Variants in KCND2 observed in about 807,000 individuals in gnomAD.
KCND2 encodes the protein potassium voltage-gated channel subfamily D member 2, also known as A-type voltage-gated potassium channel KCND2.
A neutral mutation model predicts 54.4 loss-of-function variants in KCND2; 16 were observed. The ratio of observed to expected loss-of-function variants is 0.29; its 90% CI spans 0.20 to 0.45. The LOEUF is 0.45. KCND2 is among the 20% of genes least tolerant of loss of function. The pLI is 1.00. For missense variants in KCND2, 486 were observed against 824.2 expected, an observed-to-expected ratio of 0.59 and a Z score of 5.02; for synonymous variants, 317 against 310.7, an observed-to-expected ratio of 1.02 and a Z score of -0.21.
chr7:120,463,433 A>G (rs188432278), intron 1 of KCND2, among the ~76,000 whole-genome samples: 6 of 150,748 alleles, frequency 4.0e-5, no homozygotes. Context: ...ACTAATTGGT[A>G]TTGAAAAGTA....
At chr7:120,462,068 G>A (rs1214573314) in intron 1 of KCND2, among the ~76,000 whole-genome samples, 5 of 151,912 alleles carry the variant, frequency 3.3e-5, no homozygotes, top group African/African-American at 9.7e-5. Context: ...GTGCTAACAG[G>A]TTTTTAGTAT....
At chr7:120,493,637 T>G (rs755716320) in intron 1 of KCND2, among the ~76,000 whole-genome samples, 9 of 152,044 alleles carry the variant, frequency 5.9e-5, no homozygotes, top group Non-Finnish European at 1.0e-4. Context: ...TTATCAGTAA[T>G]AAAAGAATAC....
chr7:120,629,850 A>G (rs984006361), intron 1 of KCND2, among the ~76,000 whole-genome samples: 3 of 152,138 alleles, frequency 2.0e-5, no homozygotes, highest in Non-Finnish European at 4.4e-5. Context: ...GAAAAATGGA[A>G]CTATATTGGA....
intron 1 of KCND2, among the ~76,000 whole-genome samples, chr7:120,425,030 G>A (rs922699445): frequency 6.6e-6 from 1 of 152,204 alleles, no homozygotes; most frequent in African/African-American, 2.4e-5. Context: ...ATTTTATAGT[G>A]AAACTTCAGA....
rs1232590637 is a variant in KCND2, at chr7:120,607,478, C to CATAGT, written c.1116-125423_1116-125419dup. ...TGGTACTACCCACTATCTCATAAACCATAGTAATTTTCATCTCTATTTCTT... is the reference window on the plus strand; with the variant it reads ...TGGTACTACCCACTATCTCATAAACCATAGTATAGTAATTTTCATCTCTATTTCTT... On this transcript the variant is annotated intron_variant, in intron 1 of 5. Transcript: ENST00000331113. Among the ~76,000 whole-genome samples the CATAGT allele has an allele frequency of 2.0e-5, 3 of 151,984 alleles. No individual in the cohort carries two copies. The Admixed American group carries it at 2.0e-4, about 10-fold the overall frequency.
chr7:120,723,020 G>A lies in KCND2; in HGVS notation c.1116-9883G>A, dbSNP rs187133607. On this transcript the variant is annotated intron_variant, in intron 1 of 5. Transcript: ENST00000331113. The stretch of plus-strand genomic sequence containing the variant: ...GGGTGACAGCCTGCAGGGCAGCAGC[G>A]GTGACTAGAACCATGCACCGTGGGG... 2.2e-3 allele frequency among the ~76,000 whole-genome samples: 331 copies of A among 152,280 alleles called. 4 individuals are homozygous for A. The highest frequency in any genetic ancestry group is 8.4e-4 in the Non-Finnish European group (57 of 68,028).
chr7:120,583,147 G>A (rs1792541454), intron 1 of KCND2, among the ~76,000 whole-genome samples: 2 of 152,048 alleles, frequency 1.3e-5, no homozygotes, highest in African/African-American at 4.8e-5. Flanking sequence ...TAAGTACTCA[G>A]TCACTGTCAG....
intron 1 of KCND2, among the ~76,000 whole-genome samples, chr7:120,554,962 A>G (rs1584826061): frequency 6.6e-6 from 1 of 152,312 alleles, no homozygotes; most frequent in South Asian, 2.1e-4. Flanking sequence ...AGAATGAAAT[A>G]TTGAAAATCT....
chr7:120,723,914 A>G (rs1792700024), intron 1 of KCND2, among the ~76,000 whole-genome samples: 1 of 152,126 alleles, frequency 6.6e-6, no homozygotes, highest in Admixed American at 6.6e-5. Flanking sequence ...AAGCATAAAC[A>G]GTGTAGAACC....
chr7:120,620,458 G>T (rs904598745), intron 1 of KCND2, among the ~76,000 whole-genome samples: 3 of 152,090 alleles, frequency 2.0e-5, no homozygotes, highest in Non-Finnish European at 2.9e-5. Context: ...AATAAATATG[G>T]TAAAAGCATT....
intron 1 of KCND2, among the ~76,000 whole-genome samples, chr7:120,707,163 T>C (rs1229626384): frequency 2.0e-5 from 3 of 152,154 alleles, no homozygotes; most frequent in African/African-American, 7.2e-5. Context: ...CTGAACCTTT[T>C]GTTTACCAGT....
At chr7:120,736,315 A>G (rs1792869772) in intron 2 of KCND2, among the ~76,000 whole-genome samples, 1 of 152,000 alleles carries the variant, frequency 6.6e-6, no homozygotes, top group Admixed American at 6.6e-5. Flanking sequence ...GGTTTACCCC[A>G]TTTCTATCAA....
intron 1 of KCND2, among the ~76,000 whole-genome samples, chr7:120,361,845 A>G: frequency 6.6e-6 from 1 of 152,226 alleles, no homozygotes; most frequent in Non-Finnish European, 1.5e-5. Context: ...GTAAAGCTAA[A>G]TATTTAATTA....
At position 120,451,566 on chromosome 7, in the gene KCND2, G is replaced by T. The variant is rs1003465526; in HGVS notation, c.1115+175819G>T. On this transcript the variant is annotated intron_variant, in intron 1 of 5. Transcript: ENST00000331113. ...TTTTCCAAACACCTTCAAGCTATAG[G>T]TTGACAAACTCTGATTCCTAAGTAA... Among the ~76,000 whole-genome samples, 3 of 152,090 alleles carry T rather than the reference G, an allele frequency of 2.0e-5. No homozygotes were observed. In the South Asian group the frequency reaches 6.2e-4, roughly 32 times the overall value.
At chr7:120,599,449 T>G (rs1199232186) in intron 1 of KCND2, among the ~76,000 whole-genome samples, 1 of 152,064 alleles carries the variant, frequency 6.6e-6, no homozygotes, top group Non-Finnish European at 1.5e-5. Flanking sequence ...TACTGAGTCT[T>G]CCAGTGCACG....
intron 1 of KCND2, among the ~76,000 whole-genome samples, chr7:120,646,313 C>A (rs917146942): frequency 5.3e-5 from 8 of 152,190 alleles, no homozygotes; most frequent in Non-Finnish European, 1.0e-4. Flanking sequence ...TCCTTTCCAT[C>A]CTCACTGATA....
intron 5 of KCND2, 112 bp from the exon 6 acceptor site, chr7:120,747,569 T>A: frequency 1.4e-6 from 1 of 728,690 alleles, no homozygotes; most frequent in South Asian, 1.7e-5. Flanking sequence ...TATAATAACT[T>A]TCCTTAGACA....
chr7:120,358,658 G>T (rs184818727), intron 1 of KCND2, among the ~76,000 whole-genome samples: 1 of 152,004 alleles, frequency 6.6e-6, no homozygotes, highest in Non-Finnish European at 1.5e-5. Flanking sequence ...TCTCTTGCCC[G>T]AAAATCTCTA....
intron 1 of KCND2, among the ~76,000 whole-genome samples, chr7:120,295,716 A>C (rs2116285069): frequency 6.6e-6 from 1 of 152,178 alleles, no homozygotes; most frequent in Non-Finnish European, 1.5e-5. Context: ...TTCTACTAAG[A>C]TTTTTACCTG....
Sources: allele counts gnomAD v4.1 joint callset (sites outside exome capture counted in the v4.1 genomes callset), GRCh38; gene constraint gnomAD v4.1.1; transcripts MANE v1.5; gene names NCBI Gene and HGNC (gene_info 2026-07-23, HGNC 2026-07-21).